LRRC4C: variants seen among roughly 807,000 people sequenced by gnomAD.
LRRC4C encodes the protein leucine rich repeat containing 4C, also known as leucine-rich repeat-containing protein 4C.
Under a neutral mutation model 33.6 loss-of-function variants are expected in LRRC4C, and 5 were observed. The observed-to-expected ratio is 0.15, with a 90% CI of 0.08 to 0.31. LRRC4C has a LOEUF of 0.31. Ranked by LOEUF, LRRC4C falls within the 10% of genes least tolerant of loss-of-function variation. The pLI, the probability that LRRC4C is intolerant of heterozygous loss-of-function variation, is 1.00. For missense variants in LRRC4C, 560 were observed against 796.7 expected, an observed-to-expected ratio of 0.70 and a Z score of 3.58; for synonymous variants, 329 against 302.0, an observed-to-expected ratio of 1.09 and a Z score of -0.93.
chr11:40,269,653 G>C (rs1942540023), intron 4 of LRRC4C, among the ~76,000 whole-genome samples: 1 of 152,042 alleles, frequency 6.6e-6, no homozygotes, highest in African/African-American at 2.4e-5. Context: ...TTTAACCTGA[G>C]TTCTGTTTCA....
chr11:40,409,943 T>C (rs1412487496), intron 3 of LRRC4C, among the ~76,000 whole-genome samples: 1 of 152,130 alleles, frequency 6.6e-6, no homozygotes, highest in Non-Finnish European at 1.5e-5. Context: ...CAAAACATCA[T>C]TTTGTACACA....
At chr11:40,149,059 A>T (rs1202827803) in intron 5 of LRRC4C, among the ~76,000 whole-genome samples, 1 of 152,148 alleles carries the variant, frequency 6.6e-6, no homozygotes, top group Non-Finnish European at 1.5e-5. Flanking sequence ...TACCAGTACC[A>T]TGCTGTTTTG....
intron 2 of LRRC4C, among the ~76,000 whole-genome samples, chr11:40,784,692 T>A (rs1248469129): frequency 1.3e-5 from 2 of 152,178 alleles, no homozygotes; most frequent in Non-Finnish European, 2.9e-5. Context: ...GAAAGATTCA[T>A]CCTATCATAG....
chr11:40,382,870 T>A (rs1948945923), intron 3 of LRRC4C, among the ~76,000 whole-genome samples: 1 of 151,798 alleles, frequency 6.6e-6, no homozygotes, highest in South Asian at 2.1e-4. Context: ...ATTTTTTGTA[T>A]TTTTAGTAGA....
chr11:40,372,783 A>T (rs543373287), intron 3 of LRRC4C, among the ~76,000 whole-genome samples: 1 of 152,314 alleles, frequency 6.6e-6, no homozygotes, highest in South Asian at 2.1e-4. Flanking sequence ...CTTTGTCATT[A>T]GGCCTAGTCT....
chr11:40,970,853 G>A (rs1039755302), intron 1 of LRRC4C, among the ~76,000 whole-genome samples: 8 of 152,178 alleles, frequency 5.3e-5, no homozygotes, highest in African/African-American at 1.9e-4. Context: ...GGGTTTAGCT[G>A]TTCTGTGCCC....
intron 3 of LRRC4C, among the ~76,000 whole-genome samples, chr11:40,627,000 T>A (rs2135987243): frequency 6.6e-6 from 1 of 152,144 alleles, no homozygotes; most frequent in Admixed American, 6.5e-5. Flanking sequence ...CCAGTTAGAG[T>A]TCTTATTCTT....
intron 2 of LRRC4C, among the ~76,000 whole-genome samples, chr11:40,888,875 T>G (rs1371601214): frequency 6.6e-6 from 1 of 152,124 alleles, no homozygotes; most frequent in Non-Finnish European, 1.5e-5. Flanking sequence ...ACCAAAATGC[T>G]TATCTTCTTT....
chr11:40,835,682 T>C (rs1478394974), intron 2 of LRRC4C, among the ~76,000 whole-genome samples: 1 of 152,146 alleles, frequency 6.6e-6, no homozygotes, highest in Non-Finnish European at 1.5e-5. Flanking sequence ...AAATTCTAGA[T>C]ATCACAAAGA....
At chr11:41,260,627 A>G (rs745574434) in intron 1 of LRRC4C, among the ~76,000 whole-genome samples, 3 of 151,934 alleles carry the variant, frequency 2.0e-5, no homozygotes, top group Non-Finnish European at 2.9e-5. Context: ...ACATATATAT[A>G]TATAAATAAA....
intron 1 of LRRC4C, among the ~76,000 whole-genome samples, chr11:41,146,908 A>T (rs1943751369): frequency 6.6e-6 from 1 of 152,240 alleles, no homozygotes; most frequent in Admixed American, 6.5e-5. Context: ...AAACTTAAAC[A>T]CATGAAAAAT....
intron 1 of LRRC4C, among the ~76,000 whole-genome samples, chr11:41,060,466 C>T (rs1021708390): frequency 2.6e-5 from 4 of 152,132 alleles, no homozygotes; most frequent in African/African-American, 9.7e-5. Context: ...GGCGAGTACC[C>T]TCTTCCTGGC....
chr11:41,378,424 G>T (rs1356408536), intron 1 of LRRC4C, among the ~76,000 whole-genome samples: 1 of 152,068 alleles, frequency 6.6e-6, no homozygotes, highest in Non-Finnish European at 1.5e-5. Context: ...TTAATTTTGT[G>T]ATTTCTTAAG....
chr11:40,722,564 A>C (rs1947077147), intron 2 of LRRC4C, among the ~76,000 whole-genome samples: 1 of 152,170 alleles, frequency 6.6e-6, no homozygotes, highest in African/African-American at 2.4e-5. Flanking sequence ...GCAGTCAAAC[A>C]CTCGAAGAAA....
At chr11:40,148,941 C>G (rs1247708933) in intron 5 of LRRC4C, among the ~76,000 whole-genome samples, 1 of 152,150 alleles carries the variant, frequency 6.6e-6, no homozygotes, top group Non-Finnish European at 1.5e-5. Flanking sequence ...ATATGGAGTC[C>G]TTTCCACATT....
chr11:40,568,842 C>A (rs1237389915), intron 3 of LRRC4C, among the ~76,000 whole-genome samples: 1 of 152,090 alleles, frequency 6.6e-6, no homozygotes, highest in Admixed American at 6.6e-5. Context: ...AATGATCTTG[C>A]TAGAGAGAAT....
At chr11:41,227,638 TATA>T (rs1947601964) in intron 1 of LRRC4C, among the ~76,000 whole-genome samples, 1 of 152,134 alleles carries the variant, frequency 6.6e-6, no homozygotes, top group African/African-American at 2.4e-5. Flanking sequence ...TAGCTGGGAC[TATA>T]GCCACGTGTC....
Position 40,797,822 on chromosome 11 carries a change from AAC to A in LRRC4C, c.-407+135811_-407+135812del, listed in dbSNP as rs58576447. 8.6e-3 allele frequency among the ~76,000 whole-genome samples: 1,311 copies of A among 152,262 alleles called. 24 individuals carry two copies. Among genetic ancestry groups the A allele is most frequent in the African/African-American group, 0.03 (1,238 of 41,546 alleles). On this transcript the variant is annotated intron_variant, in intron 2 of 6. Coordinates refer to ENST00000528697, the MANE Select transcript of LRRC4C (RefSeq NM_001258419.2). ...TTTAAATGATGATAAGCTTTTTGGG[AAC>A]AGAGACTTAGTATTTGCTGCATCTA...
intron 3 of LRRC4C, among the ~76,000 whole-genome samples, chr11:40,552,016 C>T (rs972475256): frequency 6.6e-6 from 1 of 152,210 alleles, no homozygotes; most frequent in Non-Finnish European, 1.5e-5. Context: ...AGATTGACCT[C>T]TTTCAAGGCA....
Sources: allele counts gnomAD v4.1 joint callset (sites outside exome capture counted in the v4.1 genomes callset), GRCh38; gene constraint gnomAD v4.1.1; transcripts MANE v1.5; gene names NCBI Gene and HGNC (gene_info 2026-07-23, HGNC 2026-07-21).